ADCY2: variants seen among roughly 807,000 people sequenced by gnomAD.
ADCY2 encodes adenylate cyclase type 2.
ADCY2 carries 31 observed loss-of-function variants against 125.2 expected under a neutral mutation model. The ratio of observed to expected loss-of-function variants is 0.25; its 90% CI spans 0.19 to 0.33. ADCY2 has a LOEUF of 0.33. Ranked by LOEUF, ADCY2 falls within the 10% of genes least tolerant of loss-of-function variation. The pLI, the probability that ADCY2 is intolerant of heterozygous loss-of-function variation, is 1.00. For synonymous variants in ADCY2, 512 were observed against 548.4 expected, an observed-to-expected ratio of 0.93 and a Z score of 0.93; for missense variants, 904 against 1,418.2, an observed-to-expected ratio of 0.64 and a Z score of 5.82.
At chr5:7,567,579 T>G (rs898955296) in intron 3 of ADCY2, among the ~76,000 whole-genome samples, 1 of 152,164 alleles carries the variant, frequency 6.6e-6, no homozygotes, top group Non-Finnish European at 1.5e-5. Flanking sequence ...TTTTCAGCCA[T>G]GAAGTAATGG....
intron 7 of ADCY2, 98 bp from the exon 8 acceptor site, chr5:7,706,646 T>A (rs1303391980): frequency 1.8e-5 from 26 of 1,423,060 alleles, no homozygotes; most frequent in Admixed American, 1.6e-4. Flanking sequence ...TCCGACAGTT[T>A]GAAAAATTCT....
At chr5:7,826,168 C>G (rs1485021031) in intron 24 of ADCY2, among the ~76,000 whole-genome samples, 1 of 152,170 alleles carries the variant, frequency 6.6e-6, no homozygotes, top group African/African-American at 2.4e-5. Flanking sequence ...TCAAACCTGA[C>G]AGACGCGACC....
intron 5 of ADCY2, chr5:7,691,483 G>C (rs116255814): frequency 1.3e-5 from 2 of 152,212 alleles, no homozygotes; most frequent in African/African-American, 4.8e-5. Context: ...GATTATAGTA[G>C]GGAAAGAGAT....
In ADCY2 at chr5:7,707,941, C is replaced by T. The variant is rs539126288; in HGVS notation, c.1401+103C>T. 4.7e-4 allele frequency: 595 copies of T among 1,278,546 alleles called. 4 individuals carry two copies. Among genetic ancestry groups the T allele is most frequent in the Non-Finnish European group, 2.7e-5 (25 of 937,494 alleles). 79.2% of individuals were successfully genotyped at this position (1,278,546 alleles called of 1,614,324 possible). ...ATATCCAATATAATTCTTTGCTACT[C>T]TTTGTCCCCAAAATATTTTAAATGC... On this transcript the variant is annotated intron_variant, in intron 9 of 24. Transcript: ENST00000338316.
At chr5:7,692,178 G>A (rs1331310624) in intron 5 of ADCY2, 4 of 152,160 alleles carry the variant, frequency 2.6e-5, no homozygotes, top group Non-Finnish European at 4.4e-5. Flanking sequence ...GATGGTCTTC[G>A]TTTAGTCATT....
intron 20 of ADCY2, chr5:7,794,648 G>C (rs375573145): frequency 6.6e-6 from 1 of 152,162 alleles, no homozygotes; most frequent in Non-Finnish European, 1.5e-5. Context: ...AGCCACCTGC[G>C]TGCATAAAGC....
chr5:7,624,323 C>G (rs948181307), intron 3 of ADCY2, among the ~76,000 whole-genome samples: 1 of 152,214 alleles, frequency 6.6e-6, no homozygotes. Context: ...ATTACACTTA[C>G]ACCTATTTGG....
intron 7 of ADCY2, among the ~76,000 whole-genome samples, chr5:7,702,699 C>A (rs190129014): frequency 7.2e-5 from 11 of 152,290 alleles, no homozygotes; most frequent in South Asian, 2.1e-4. Flanking sequence ...CGTGTGCATG[C>A]GTCTTTATAG....
At chr5:7,533,222 A>T (rs964315494) in intron 3 of ADCY2, among the ~76,000 whole-genome samples, 2 of 151,744 alleles carry the variant, frequency 1.3e-5, no homozygotes, top group Non-Finnish European at 1.5e-5. Context: ...TTTGTCAAAG[A>T]TATTTTCATA....
chr5:7,503,854 C>T (rs1230166667), intron 2 of ADCY2, among the ~76,000 whole-genome samples: 2 of 152,190 alleles, frequency 1.3e-5, no homozygotes, highest in Non-Finnish European at 2.9e-5. Context: ...CATCATTTAA[C>T]CACTTTTTAA....
chr5:7,513,930 T>A lies in ADCY2; in HGVS notation c.409-6808T>A, dbSNP rs570986701. ...GAGATGTTATTTCCTTTAATGTTACTAGCCTAACAAAAATAGGAAGTATTT... is the reference window on the plus strand; with the variant it reads ...GAGATGTTATTTCCTTTAATGTTACAAGCCTAACAAAAATAGGAAGTATTT... On this transcript the variant is annotated intron_variant, in intron 2 of 24. Transcript: ENST00000338316. Among the ~76,000 whole-genome samples the A allele has an allele frequency of 9.2e-5, 14 of 152,322 alleles. No homozygotes were observed. The South Asian group carries it at 2.9e-3, about 32-fold the overall frequency.
chr5:7,723,920 CAAAAAAAAAAAAAA>C (rs70940756), intron 12 of ADCY2, among the ~76,000 whole-genome samples: 653 of 53,772 alleles, frequency 0.012, 46 homozygotes, highest in African/African-American at 0.064. Context: ...GACTCAGTCT[CAAAAAAAAAAAAAA>C]AAAAAAAAAA....
At chr5:7,539,462 CCT>C (rs1374674934) in intron 3 of ADCY2, among the ~76,000 whole-genome samples, 2 of 152,156 alleles carry the variant, frequency 1.3e-5, no homozygotes, top group African/African-American at 2.4e-5. Context: ...GTAACTGCTT[CCT>C]TTATAATAGA....
chr5:7,816,875 C>T lies in ADCY2; in HGVS notation c.2893C>T (p.Arg965Trp). The change falls in exon 23 of 25, where the codon CGG (arginine) becomes TGG (tryptophan). Residue 965 changes from arginine (R) to tryptophan (W), a missense_variant. Arg to Trp is a moderately radical substitution (Grantham distance 101). Coordinates refer to ENST00000338316, the MANE Select transcript of ADCY2 (RefSeq NM_020546.3). ...PSQEHSQEPE[R>W]QYMHIGTMVE... ...GTGTGTTTGTTCTCAGGAGCCCGAG[C>T]GGCAGTACATGCACATTGGCACCAT... The T allele has an allele frequency of 2.5e-6, 4 of 1,613,932 alleles. No homozygotes were observed. Among genetic ancestry groups the T allele is most frequent in the Non-Finnish European group, 3.4e-6 (4 of 1,179,852 alleles).
intron 15 of ADCY2, among the ~76,000 whole-genome samples, chr5:7,747,769 A>G (rs950956014): frequency 6.6e-6 from 1 of 152,168 alleles, no homozygotes; most frequent in Non-Finnish European, 1.5e-5. Context: ...TATTACTTTT[A>G]TTCTTGTGGA....
intron 16 of ADCY2, among the ~76,000 whole-genome samples, chr5:7,764,715 G>A (rs1743329355): frequency 6.6e-6 from 1 of 152,136 alleles, no homozygotes; most frequent in Admixed American, 6.5e-5. Flanking sequence ...AATTAAATTG[G>A]GTCCAGAGAA....
At chr5:7,629,140 A>G (rs1195451317) in intron 4 of ADCY2, among the ~76,000 whole-genome samples, 1 of 152,234 alleles carries the variant, frequency 6.6e-6, no homozygotes, top group Non-Finnish European at 1.5e-5. Context: ...AATAAATAGC[A>G]TCCAATTTAA....
At chr5:7,472,636 G>T (rs1045253075) in intron 2 of ADCY2, among the ~76,000 whole-genome samples, 11 of 152,096 alleles carry the variant, frequency 7.2e-5, no homozygotes, top group Admixed American at 2.6e-4. Flanking sequence ...AGCAGAGACC[G>T]AGACAGATCA....
chr5:7,500,864 C>T (rs1436220100), intron 2 of ADCY2, among the ~76,000 whole-genome samples: 2 of 152,072 alleles, frequency 1.3e-5, no homozygotes, highest in African/African-American at 2.4e-5. Flanking sequence ...TATTTTTCCC[C>T]TTAAAGAAAC....
Sources: gnomAD v4.1 joint callset for allele counts (sites outside exome capture counted in the v4.1 genomes callset) on GRCh38, gnomAD v4.1.1 for gene constraint, MANE v1.5 for transcripts, NCBI Gene and HGNC (gene_info 2026-07-23, HGNC 2026-07-21) for gene names.